Variants in RABL3 observed in about 807,000 individuals in gnomAD.
RABL3 encodes the protein RAB, member of RAS oncogene family like 3, also known as rab-like protein 3.
Under a neutral mutation model 31.8 loss-of-function variants are expected in RABL3, and 31 were observed. The ratio of observed to expected loss-of-function variants is 0.97; its 90% CI spans 0.73 to 1.31. RABL3 has a LOEUF of 1.31. Ranked by LOEUF, RABL3 falls within the 40% of genes most tolerant of loss-of-function variation. RABL3 has a pLI of 0.00. For synonymous variants in RABL3, 97 were observed against 99.9 expected, an observed-to-expected ratio of 0.97 and a Z score of 0.18; for missense variants, 263 against 279.6, an observed-to-expected ratio of 0.94 and a Z score of 0.42.
At chr3:120,739,093 T>A (rs1372502619) in intron 1 of RABL3, among the ~76,000 whole-genome samples, 2 of 152,184 alleles carry the variant, frequency 1.3e-5, no homozygotes, top group East Asian at 1.9e-4. Context: ...AAAAGTGACA[T>A]CTTGGCCAGG....
At chr3:120,716,638 G>GA (rs962036784) in intron 2 of RABL3, among the ~76,000 whole-genome samples, 3 of 147,264 alleles carry the variant, frequency 2.0e-5, no homozygotes, top group Non-Finnish European at 3.0e-5. Flanking sequence ...AAAAAAAAAA[G>GA]AAAAAAAAAG....
intron 2 of RABL3, among the ~76,000 whole-genome samples, chr3:120,714,018 G>A (rs373283522): frequency 4.7e-4 from 72 of 152,156 alleles, no homozygotes; most frequent in Middle Eastern, 3.4e-3. Context: ...CACCATATTG[G>A]CCAGGCTGGT....
At chr3:120,693,243 G>A (rs1708400680) in intron 6 of RABL3, among the ~76,000 whole-genome samples, 1 of 152,124 alleles carries the variant, frequency 6.6e-6, no homozygotes, top group African/African-American at 2.4e-5. Flanking sequence ...TAATCGAGGA[G>A]GGTGCTGGAG....
chr3:120,722,239 T>A (rs1252900229), intron 2 of RABL3: 1 of 152,148 alleles, frequency 6.6e-6, no homozygotes, highest in Admixed American at 6.6e-5. Flanking sequence ...TTGAACAACC[T>A]TCCACTAACT....
At chr3:120,736,022 T>C (rs1028500609) in intron 1 of RABL3, among the ~76,000 whole-genome samples, 3 of 152,212 alleles carry the variant, frequency 2.0e-5, no homozygotes, top group Non-Finnish European at 4.4e-5. Flanking sequence ...TATATTCTGT[T>C]GATTTGGGAT....
Position 120,689,783 on chromosome 3 carries a change from C to T in RABL3, c.*40G>A. On this transcript the variant is annotated 3_prime_UTR_variant, in exon 8 of 8. Transcript: ENST00000273375. ...ACACAGCAAGATGAGCTGTGAAAAA[C>T]TGCCACTGCTTGCTCACTCTTCCAA... 7.2e-7 allele frequency: 1 copy of T among 1,386,798 alleles called. No homozygotes were observed. Among genetic ancestry groups the T allele is most frequent in the Non-Finnish European group, 1.0e-6 (1 of 975,738 alleles). The allele number at this position is 1,386,798 out of a possible 1,614,324, so 85.9% of individuals were successfully genotyped here. A position where few individuals can be genotyped will look rare whatever the true frequency, so the allele number is the denominator to read the frequency against.
chr3:120,720,685 T>A (rs1708728447), intron 2 of RABL3, among the ~76,000 whole-genome samples: 1 of 152,044 alleles, frequency 6.6e-6, no homozygotes, highest in African/African-American at 2.4e-5. Flanking sequence ...TGGGACTACG[T>A]GAAAAGACCA....
At chr3:120,699,511 G>T (rs191395785) in intron 4 of RABL3, among the ~76,000 whole-genome samples, 1 of 152,118 alleles carries the variant, frequency 6.6e-6, no homozygotes, top group Non-Finnish European at 1.5e-5. Flanking sequence ...TTTCTGACAC[G>T]TTATAAGCTC....
chr3:120,699,375 T>A (rs1708471088), intron 4 of RABL3, among the ~76,000 whole-genome samples: 1 of 152,180 alleles, frequency 6.6e-6, no homozygotes, highest in South Asian at 2.1e-4. Flanking sequence ...TTTTAAAAAA[T>A]TTATTTATCC....
intron 2 of RABL3, among the ~76,000 whole-genome samples, chr3:120,711,882 G>A (rs1027840192): frequency 4.6e-5 from 7 of 152,020 alleles, no homozygotes; most frequent in African/African-American, 1.4e-4. Context: ...TTCATAGAAT[G>A]GGACTATTAC....
chr3:120,689,788 A>G lies in RABL3; in HGVS notation c.*35T>C. On this transcript the variant is annotated 3_prime_UTR_variant, in exon 8 of 8. Coordinates refer to ENST00000273375, the MANE Select transcript of RABL3 (RefSeq NM_173825.5). Reference sequence around the variant, plus strand: ...GCAAGATGAGCTGTGAAAAACTGCCACTGCTTGCTCACTCTTCCAAAGGAT... The same window carrying G: ...GCAAGATGAGCTGTGAAAAACTGCCGCTGCTTGCTCACTCTTCCAAAGGAT... 1 of 1,470,778 alleles carries G rather than the reference A, an allele frequency of 6.8e-7. No homozygotes were observed. The highest frequency in any genetic ancestry group is 1.7e-5 in the Admixed American group (1 of 58,858). 91.1% of individuals were successfully genotyped at this position (1,470,778 alleles called of 1,614,324 possible).
At chr3:120,731,872 C>T (rs1197479678) in intron 1 of RABL3, among the ~76,000 whole-genome samples, 1 of 151,876 alleles carries the variant, frequency 6.6e-6, no homozygotes, top group Admixed American at 6.6e-5. Flanking sequence ...GGCAACATAG[C>T]AAGACTGCAT....
At position 120,685,607 on chromosome 3, in the gene RABL3, A is replaced by G. The variant is rs1350553392; in HGVS notation, c.*4216T>C. ...CAACAGAAGACATGACAATCATCTC[A>G]TGTTTAATTTGGCATATGTAGCTTT... is the stretch of plus-strand genomic sequence containing the variant. On this transcript the variant is annotated 3_prime_UTR_variant, in exon 8 of 8. Coordinates refer to ENST00000273375, the MANE Select transcript of RABL3 (RefSeq NM_173825.5). Among the ~76,000 whole-genome samples the G allele has an allele frequency of 1.3e-5, 2 of 151,976 alleles. No homozygotes were observed. The highest frequency in any genetic ancestry group is 2.4e-5 in the African/African-American group (1 of 41,406).
At chr3:120,716,609 G>C (rs902037327) in intron 2 of RABL3, among the ~76,000 whole-genome samples, 5 of 149,500 alleles carry the variant, frequency 3.3e-5, no homozygotes, top group African/African-American at 1.2e-4. Flanking sequence ...AAAACTTAAA[G>C]TATAATAATA....
intron 4 of RABL3, among the ~76,000 whole-genome samples, chr3:120,700,640 G>A (rs1457923296): frequency 1.3e-5 from 2 of 151,974 alleles, no homozygotes; most frequent in Admixed American, 6.6e-5. Context: ...TTTTAGCTGT[G>A]ATAATTATAT....
At position 120,698,543 on chromosome 3, in the gene RABL3, G is replaced by A. The variant is rs747690706; in HGVS notation, c.414C>T (p.Asn138=). 4 of 1,612,654 alleles carry A rather than the reference G, an allele frequency of 2.5e-6. No homozygotes were observed. Among genetic ancestry groups the A allele is most frequent in the African/African-American group, 2.7e-5 (2 of 74,994 alleles). ...TCCCTATTACCAACAGTGGTATTTG[G>A]TTATCAGCAAACTGTTCTTGATCAT... is the stretch of plus-strand genomic sequence containing the variant. The part of the protein sequence containing the change: ...GDYDQEQFAD[N]QIPLLVIGTK... The change falls in exon 5 of 8, where the codon AAC becomes AAT. Residue 138 remains asparagine (N), a synonymous_variant. Coordinates refer to ENST00000273375, the MANE Select transcript of RABL3 (RefSeq NM_173825.5).
At position 120,742,498 on chromosome 3, in the gene RABL3, G is replaced by A. The variant is rs369727571; in HGVS notation, c.10C>T (p.Leu4=). MAS[L]DRVKVLVLGD... ...AACACCAGTACCTTCACCCGATCCA[G>A]GGACGCCATCTTGCCACTGCCTTCC... Residue 4 remains leucine (L), a synonymous_variant, in exon 1 of 8, where the codon CTG becomes TTG. Coordinates refer to ENST00000273375, the MANE Select transcript of RABL3 (RefSeq NM_173825.5). 7 of 1,614,084 alleles carry A rather than the reference G, an allele frequency of 4.3e-6. No homozygotes were observed. The African/African-American group carries it at 6.7e-5, about 15-fold the overall frequency.
chr3:120,728,838 A>G (rs79522034), intron 2 of RABL3, among the ~76,000 whole-genome samples: 1 of 152,324 alleles, frequency 6.6e-6, no homozygotes, highest in Non-Finnish European at 1.5e-5. Flanking sequence ...CTAGCTCAAG[A>G]GAAAGTTAGG....
chr3:120,707,263 G>A (rs750205786), intron 3 of RABL3, among the ~76,000 whole-genome samples: 27 of 152,090 alleles, frequency 1.8e-4, no homozygotes, highest in Admixed American at 5.2e-4. Flanking sequence ...CTCTTCTGGT[G>A]TCTGAAACTA....
Sources: allele counts gnomAD v4.1 joint callset (sites outside exome capture counted in the v4.1 genomes callset), GRCh38; gene constraint gnomAD v4.1.1; transcripts MANE v1.5; gene names NCBI Gene and HGNC (gene_info 2026-07-23, HGNC 2026-07-21).